The following CCDC190 variants were observed in gnomAD, a reference collection of about 807,000 sequenced individuals.
The protein encoded by CCDC190 is coiled-coil domain-containing protein 190.
Under a neutral mutation model 13.1 loss-of-function variants are expected in CCDC190, and 10 were observed. The observed-to-expected ratio is 0.77, with a 90% CI of 0.47 to 1.30. The LOEUF (loss-of-function observed/expected upper bound fraction) is 1.30. CCDC190 is among the 50% of genes most tolerant of loss of function. The pLI is 0.00. For missense variants in CCDC190, 375 were observed against 354.3 expected, an observed-to-expected ratio of 1.06 and a Z score of -0.47; for synonymous variants, 136 against 127.2, an observed-to-expected ratio of 1.07 and a Z score of -0.47.
In CCDC190 at chr1:162,854,899, G is replaced by A; in HGVS notation, c.772C>T (p.Leu258Phe). 1 of 1,614,036 alleles carries A rather than the reference G, an allele frequency of 6.2e-7. No individual in the cohort carries two copies. Among genetic ancestry groups the A allele is most frequent in the Non-Finnish European group, 8.5e-7 (1 of 1,179,894 alleles). The part of the protein sequence containing the change: ...LLSKARNAHY[L>F]RHRVPPESER... ...GACTCAGGGGGGACCCTGTGCCGGAGATAATGGGCATTTCTGGCCTTTGAA... is the reference window on the plus strand; with the variant it reads ...GACTCAGGGGGGACCCTGTGCCGGAAATAATGGGCATTTCTGGCCTTTGAA... Residue 258 changes from leucine to phenylalanine, a missense_variant, in exon 4 of 4, where the codon CTC (leucine) becomes TTC (phenylalanine). By Grantham distance (22) the Leu-to-Phe change is conservative. Coordinates refer to ENST00000367912, the MANE Select transcript of CCDC190 (RefSeq NM_001394065.1).
rs1311407331 is a variant in CCDC190 at position 162,855,687 on chromosome 1, C to T, written c.256G>A (p.Val86Met). The T allele has an allele frequency of 2.2e-5, 36 of 1,613,578 alleles. No homozygotes were observed. Among genetic ancestry groups the T allele is most frequent in the African/African-American group, 8.0e-5 (6 of 74,894 alleles). ...TTCTGCCTTCCCTGTGGTGAGAACA[C>T]GAGAACATCTTCTGGTCTCTTCTGA... is the stretch of plus-strand genomic sequence containing the variant. ...GFQKRPEDVL[V>M]FSPQGRQKHR... The change falls in exon 3 of 4, where the codon GTG (valine) becomes ATG (methionine). Residue 86 changes from valine to methionine, a missense_variant. Val to Met is a conservative substitution (Grantham distance 21). Transcript: ENST00000367912.
rs368241445 is a variant in CCDC190 at position 162,854,942 on chromosome 1, T to A, written c.729A>T (p.Pro243=). 1 of 1,614,064 alleles carries A rather than the reference T, an allele frequency of 6.2e-7. No individual in the cohort carries two copies. Among genetic ancestry groups the A allele is most frequent in the South Asian group, 1.1e-5 (1 of 91,086 alleles). The change falls in exon 4 of 4, where the codon CCA becomes CCT. Residue 243 remains proline, a synonymous_variant. Coordinates refer to ENST00000367912, the MANE Select transcript of CCDC190 (RefSeq NM_001394065.1). The part of the protein sequence containing the change: ...AGSFEGEFTK[P]TFLELLSKAR... ...CCTTTGAAAGCAACTCTAAGAAGGT[T>A]GGCTTTGTGAACTCGCCTTCGAAGC...
At chr1:162,861,469 C>T (rs1650515150), upstream of CCDC190, among the ~76,000 whole-genome samples, 1 of 151,862 alleles carries the variant, frequency 6.6e-6, no homozygotes, top group South Asian at 2.1e-4. Flanking sequence ...TCATACCTCC[C>T]TTCCCTAACC....
chr1:162,854,946 T>A lies in CCDC190; in HGVS notation c.725A>T (p.Lys242Met), dbSNP rs779553524. The A allele has an allele frequency of 6.2e-7, 1 of 1,614,080 alleles. No individual in the cohort carries two copies. The highest frequency in any genetic ancestry group is 1.6e-4 in the Middle Eastern group (1 of 6,062). ...CAGSFEGEFTKPTFLELLSKA... is the reference protein window; with the variant it reads ...CAGSFEGEFTMPTFLELLSKA... ...TGAAAGCAACTCTAAGAAGGTTGGC[T>A]TTGTGAACTCGCCTTCGAAGCTTCC... is the stretch of plus-strand genomic sequence containing the variant. The change falls in exon 4 of 4, where the codon AAG (lysine) becomes ATG (methionine). Residue 242 changes from lysine to methionine, a missense_variant. Transcript: ENST00000367912.
chr1:162,856,420 G>A (rs757501967), intron 2 of CCDC190, among the ~76,000 whole-genome samples: 10 of 152,300 alleles, frequency 6.6e-5, no homozygotes, highest in Admixed American at 2.0e-4. Flanking sequence ...TACTTGGCAA[G>A]CACAATGTTT....
chr1:162,860,446 C>T (rs940220903), intron 1 of CCDC190, among the ~76,000 whole-genome samples: 8 of 152,110 alleles, frequency 5.3e-5, no homozygotes, highest in Non-Finnish European at 1.0e-4. Flanking sequence ...CTCTAAATAG[C>T]GCTAAGTAGG....
At position 162,861,044 on chromosome 1, in the gene CCDC190, T is replaced by G; in HGVS notation, c.-49A>C. The stretch of plus-strand genomic sequence containing the variant: ...GAGTTTTCACCATGAGACTATGTCT[T>G]GTTTCTTTTGCTATGTCAGACTGAG... On this transcript the variant is annotated 5_prime_UTR_variant, in exon 1 of 4. Coordinates refer to ENST00000367912, the MANE Select transcript of CCDC190 (RefSeq NM_001394065.1). The G allele has an allele frequency of 1.0e-6, 1 of 984,256 alleles. No homozygotes were observed. The highest frequency in any genetic ancestry group is 4.7e-5 in the South Asian group (1 of 21,266). The allele number at this position is 984,256 out of a possible 1,614,324, so 61.0% of individuals were successfully genotyped here.
At chr1:162,865,992 TATATC>T (rs201537619), upstream of CCDC190, among the ~76,000 whole-genome samples, 490 of 152,334 alleles carry the variant, frequency 3.2e-3, 5 homozygotes, top group African/African-American at 0.011. Context: ...GTAAGGCACT[TATATC>T]TTGTGTGATT....
At position 162,855,689 on chromosome 1, in the gene CCDC190, AG is replaced by A; in HGVS notation, c.253del (p.Leu85SerfsTer19). The part of the protein sequence containing the change: ...NGFQKRPEDV[L>X]VFSPQGRQKH... ...CTGCCTTCCCTGTGGTGAGAACACGAGAACATCTTCTGGTCTCTTCTGAAAT... is the reference window on the plus strand; with the variant it reads ...CTGCCTTCCCTGTGGTGAGAACACGAAACATCTTCTGGTCTCTTCTGAAAT... On this transcript the variant is annotated frameshift_variant, in exon 3 of 4. Transcript: ENST00000367912. LOFTEE classifies it high-confidence loss of function. The A allele has an allele frequency of 6.2e-7, 1 of 1,613,796 alleles. No individual in the cohort carries two copies. The highest frequency in any genetic ancestry group is 2.2e-5 in the East Asian group (1 of 44,878).
chr1:162,855,135 T>C lies in CCDC190; in HGVS notation c.536A>G (p.Gln179Arg). ...DPSKGISVPC[Q>R]NQEVSTNTIE... Reference sequence around the variant, plus strand: ...GGTGTTGGTGGAAACCTCTTGATTTTGGCATGGAACAGAGATGCCCTTGCT... The same window carrying C: ...GGTGTTGGTGGAAACCTCTTGATTTCGGCATGGAACAGAGATGCCCTTGCT... Residue 179 changes from glutamine to arginine, a missense_variant, in exon 4 of 4, where the codon CAA becomes CGA. By Grantham distance (43) the Gln-to-Arg change is conservative. Coordinates refer to ENST00000367912, the MANE Select transcript of CCDC190 (RefSeq NM_001394065.1). The C allele has an allele frequency of 6.2e-7, 1 of 1,613,930 alleles. No homozygotes were observed. Among genetic ancestry groups the C allele is most frequent in the African/African-American group, 1.3e-5 (1 of 75,044 alleles).
intron 1 of CCDC190, among the ~76,000 whole-genome samples, chr1:162,860,803 C>T (rs185277242): frequency 2.3e-4 from 35 of 152,132 alleles, no homozygotes; most frequent in African/African-American, 3.9e-4. Context: ...GTGATCTGCC[C>T]GCCTCAGCCT....
chr1:162,866,395 G>A (rs1054665398), intron 1 of CCDC190, among the ~76,000 whole-genome samples: 15 of 152,218 alleles, frequency 9.9e-5, no homozygotes, highest in Non-Finnish European at 2.1e-4. Flanking sequence ...GTGCCACTGC[G>A]CTCCAGCCTA....
chr1:162,852,444 T>G lies in CCDC190; in HGVS notation c.*2321A>C, dbSNP rs976019264. On this transcript the variant is annotated 3_prime_UTR_variant, in exon 4 of 4. Transcript: ENST00000367912. ...ACAAGAAAGGTTCCATGCAGCAGCGTTCTCTTTGATTGAGTTAAGTTGTAC... is the reference window on the plus strand; with the variant it reads ...ACAAGAAAGGTTCCATGCAGCAGCGGTCTCTTTGATTGAGTTAAGTTGTAC... The G allele has an allele frequency of 6.6e-6, 1 of 152,310 alleles. No individual in the cohort carries two copies. Among genetic ancestry groups the G allele is most frequent in the Non-Finnish European group, 1.5e-5 (1 of 68,080 alleles). 9.4% of individuals were successfully genotyped at this position (152,310 alleles called of 1,614,324 possible). A position where few individuals can be genotyped will look rare whatever the true frequency, so the allele number is the denominator to read the frequency against.
At chr1:162,858,785 C>A (rs1461030747) in intron 2 of CCDC190, among the ~76,000 whole-genome samples, 1 of 152,144 alleles carries the variant, frequency 6.6e-6, no homozygotes, top group African/African-American at 2.4e-5. Context: ...ACAGACTGTA[C>A]AACTGTGACT....
Position 162,854,283 on chromosome 1 carries a change from GAGAGCACGTGGGTGTGGTTAA to G in CCDC190, c.*461_*481del. Reference sequence around the variant, plus strand: ...AGGAAGGAAGGAAAGGGCTTCCAAAGAGAGCACGTGGGTGTGGTTAAAGAGCAGATTTTCTTTATAGACCAT... The same window carrying G: ...AGGAAGGAAGGAAAGGGCTTCCAAAGAGAGCAGATTTTCTTTATAGACCAT... On this transcript the variant is annotated 3_prime_UTR_variant, in exon 4 of 4. Transcript: ENST00000367912. 20 of 985,846 alleles carry G rather than the reference GAGAGCACGTGGGTGTGGTTAA, an allele frequency of 2.0e-5. No homozygotes were observed. The highest frequency in any genetic ancestry group is 2.4e-5 in the Non-Finnish European group (20 of 830,244). The allele number at this position is 985,846 out of a possible 1,614,324, so 61.1% of individuals were successfully genotyped here.
At chr1:162,863,221 A>G (rs1650579135), upstream of CCDC190, among the ~76,000 whole-genome samples, 1 of 152,184 alleles carries the variant, frequency 6.6e-6, no homozygotes. Flanking sequence ...ACATGGAGTC[A>G]CACCCTTTTG....
chr1:162,868,378 C>T (rs34948597), intron 1 of CCDC190, among the ~76,000 whole-genome samples: 43,025 of 151,794 alleles, frequency 0.28, 6,570 homozygotes, highest in Non-Finnish European at 0.34. Context: ...TCTTTTTTTG[C>T]CCTGAGAAAG....
Sources: gnomAD v4.1 joint callset for allele counts (sites outside exome capture counted in the v4.1 genomes callset) on GRCh38, gnomAD v4.1.1 for gene constraint, MANE v1.5 for transcripts, NCBI Gene and HGNC (gene_info 2026-07-23, HGNC 2026-07-21) for gene names.